The following CERS6 variants were observed in gnomAD, a reference collection of about 807,000 sequenced individuals.
The protein encoded by CERS6 is ceramide synthase 6.
In CERS6, 26 loss-of-function variants were observed where a neutral mutation model predicts 56.8. The ratio of observed to expected loss-of-function variants is 0.46; its 90% CI spans 0.34 to 0.63. CERS6 has a LOEUF of 0.63. Among genes scored for constraint, CERS6 ranks in the 30% least tolerant of loss-of-function variants. The pLI is 0.01. For synonymous variants in CERS6, 164 were observed against 173.3 expected (o/e 0.95, Z 0.42); for missense variants, 415 against 467.5 (o/e 0.89, Z 1.04).
chr2:168,581,599 A>G (rs967634686), intron 3 of CERS6, among the ~76,000 whole-genome samples: 1 of 151,964 alleles, frequency 6.6e-6, no homozygotes, highest in South Asian at 2.1e-4. Flanking sequence ...TTTGGTTAAT[A>G]TATATTTTTA....
intron 3 of CERS6, among the ~76,000 whole-genome samples, chr2:168,584,136 T>C (rs1683485394): frequency 6.6e-6 from 1 of 152,226 alleles, no homozygotes; most frequent in Non-Finnish European, 1.5e-5. Flanking sequence ...CTAAGTAATT[T>C]CCTAAGTAAT....
intron 4 of CERS6, among the ~76,000 whole-genome samples, chr2:168,631,803 ATT>A (rs1684747866): frequency 7.8e-6 from 1 of 128,330 alleles, no homozygotes; most frequent in African/African-American, 2.9e-5. Flanking sequence ...TATAATATAT[ATT>A]ATATAATTTA....
In CERS6 at chr2:168,475,452, G is replaced by A. The variant is rs189559680; in HGVS notation, c.170+18834G>A. Among the ~76,000 whole-genome samples, 6 of 152,072 alleles carry A rather than the reference G, an allele frequency of 3.9e-5. No individual in the cohort carries two copies. The East Asian group carries it at 9.7e-4, about 25-fold the overall frequency. On this transcript the variant is annotated intron_variant, in intron 1 of 9. Transcript: ENST00000305747. ...ACTTTTTGAAAAGCAATTTTATATC[G>A]TGGGATTTATTTTTTCTCATAAAAA... is the stretch of plus-strand genomic sequence containing the variant.
intron 8 of CERS6, among the ~76,000 whole-genome samples, chr2:168,758,896 G>T (rs905264706): frequency 5.3e-5 from 8 of 152,050 alleles, no homozygotes; most frequent in African/African-American, 1.9e-4. Context: ...CTTAGAATGC[G>T]AATCGGTACG....
chr2:168,616,766 A>C (rs925405906), intron 3 of CERS6, among the ~76,000 whole-genome samples: 1 of 152,240 alleles, frequency 6.6e-6, no homozygotes, highest in African/African-American at 2.4e-5. Flanking sequence ...GAAACGAGAT[A>C]GATGGCAACA....
At chr2:168,681,880 C>G (rs1041370362) in intron 4 of CERS6, among the ~76,000 whole-genome samples, 18 of 152,290 alleles carry the variant, frequency 1.2e-4, no homozygotes, top group African/African-American at 4.3e-4. Context: ...GAGTGAGAAC[C>G]TGAGGTACTT....
intron 3 of CERS6, among the ~76,000 whole-genome samples, chr2:168,610,900 C>T (rs1183578511): frequency 2.0e-5 from 3 of 152,132 alleles, no homozygotes; most frequent in African/African-American, 7.2e-5. Context: ...CTCCGCCTCC[C>T]AGATTCAAGC....
chr2:168,723,004 G>A (rs1683224203), intron 8 of CERS6, among the ~76,000 whole-genome samples: 1 of 152,190 alleles, frequency 6.6e-6, no homozygotes, highest in Admixed American at 6.5e-5. Flanking sequence ...ACTCTGTGCT[G>A]CTGTTGGCCC....
Position 168,705,121 on chromosome 2 carries a change from G to A in CERS6, c.610-9880G>A, listed in dbSNP as rs142583220. Reference sequence around the variant, plus strand: ...ACTGGATTCAGAGCTGGCTTAGCCCGTCCTTACTGTGTGACTAGAGAAAAT... The same window carrying A: ...ACTGGATTCAGAGCTGGCTTAGCCCATCCTTACTGTGTGACTAGAGAAAAT... On this transcript the variant is annotated intron_variant, in intron 6 of 9. Coordinates refer to ENST00000305747, the MANE Select transcript of CERS6 (RefSeq NM_203463.3). 1.5e-3 allele frequency among the ~76,000 whole-genome samples: 223 copies of A among 152,282 alleles called. 1 individual carries two copies. Among genetic ancestry groups the A allele is most frequent in the African/African-American group, 5.1e-3 (211 of 41,552 alleles).
At chr2:168,522,837 C>A (rs1283863702) in intron 1 of CERS6, among the ~76,000 whole-genome samples, 1 of 152,198 alleles carries the variant, frequency 6.6e-6, no homozygotes, top group Admixed American at 6.5e-5. Flanking sequence ...GTGTGAACCA[C>A]TGTGCCTGGC....
intron 3 of CERS6, among the ~76,000 whole-genome samples, chr2:168,623,590 T>TAG (rs1684523737): frequency 6.6e-6 from 1 of 152,242 alleles, no homozygotes; most frequent in Admixed American, 6.5e-5. Flanking sequence ...ATGGCTTTGT[T>TAG]AGACTTATTA....
chr2:168,516,995 T>G (rs1168324883), intron 1 of CERS6, among the ~76,000 whole-genome samples: 1 of 152,048 alleles, frequency 6.6e-6, no homozygotes, highest in Admixed American at 6.6e-5. Flanking sequence ...CTCATTAATG[T>G]TAGGATAATG....
At chr2:168,505,863 A>G (rs1458119175) in intron 1 of CERS6, among the ~76,000 whole-genome samples, 1 of 152,170 alleles carries the variant, frequency 6.6e-6, no homozygotes, top group East Asian at 1.9e-4. Flanking sequence ...ATTTATTACA[A>G]TCCCATTTAA....
At chr2:168,676,886 C>A (rs531938242) in intron 4 of CERS6, among the ~76,000 whole-genome samples, 1 of 152,002 alleles carries the variant, frequency 6.6e-6, no homozygotes, top group South Asian at 2.1e-4. Context: ...TCCTTCTAAT[C>A]GCGACTGTCT....
chr2:168,653,995 T>C (rs1267233824), intron 4 of CERS6, among the ~76,000 whole-genome samples: 1 of 152,172 alleles, frequency 6.6e-6, no homozygotes, highest in Non-Finnish European at 1.5e-5. Flanking sequence ...ATCTTCCTAA[T>C]GAATTTCAAA....
rs551209647 is a variant in CERS6 at position 168,613,763 on chromosome 2, T to C, written c.408-17222T>C. On this transcript the variant is annotated intron_variant, in intron 3 of 9. Coordinates refer to ENST00000305747, the MANE Select transcript of CERS6 (RefSeq NM_203463.3). The stretch of plus-strand genomic sequence containing the variant: ...GTATAGCTTTACAGTCAATATGTAA[T>C]ACCATGTAATAGTGGCTAGGACCAG... Among the ~76,000 whole-genome samples the C allele has an allele frequency of 4.6e-5, 7 of 152,312 alleles. No homozygotes were observed. The South Asian group carries it at 1.5e-3, about 32-fold the overall frequency.
intron 3 of CERS6, among the ~76,000 whole-genome samples, chr2:168,601,526 C>G (rs912615294): frequency 1.3e-5 from 2 of 151,366 alleles, no homozygotes; most frequent in Non-Finnish European, 2.9e-5. Flanking sequence ...GTTGAACATT[C>G]TCAGGTGGAC....
At chr2:168,466,846 T>G (rs1031274441) in intron 1 of CERS6, among the ~76,000 whole-genome samples, 11 of 152,298 alleles carry the variant, frequency 7.2e-5, no homozygotes, top group African/African-American at 2.6e-4. Flanking sequence ...CAAATGGTTT[T>G]TAATTGCAGG....
At chr2:168,612,335 C>T (rs1235838509) in intron 3 of CERS6, among the ~76,000 whole-genome samples, 4 of 152,132 alleles carry the variant, frequency 2.6e-5, no homozygotes, top group Non-Finnish European at 1.5e-5. Flanking sequence ...GATTGTTGGT[C>T]ACTTAAAGGA....
Sources: allele counts gnomAD v4.1 joint callset (sites outside exome capture counted in the v4.1 genomes callset), GRCh38; gene constraint gnomAD v4.1.1; transcripts MANE v1.5; gene names NCBI Gene and HGNC (gene_info 2026-07-23, HGNC 2026-07-21).